MXI1: variants seen among roughly 807,000 people sequenced by gnomAD.
MXI1 encodes the protein max-interacting protein 1.
Under a neutral mutation model 36.9 loss-of-function variants are expected in MXI1, and 18 were observed. The ratio of observed to expected loss-of-function variants is 0.49; its 90% CI spans 0.34 to 0.72. MXI1 has a LOEUF of 0.72. MXI1 is among the 30% of genes least tolerant of loss of function. MXI1 has a pLI of 0.01. For missense variants in MXI1, 304 were observed against 379.1 expected, an observed-to-expected ratio of 0.80 and a Z score of 1.64; for synonymous variants, 160 against 146.7, an observed-to-expected ratio of 1.09 and a Z score of -0.65.
chr10:110,231,467 T>C (rs996472444), intron 2 of MXI1, among the ~76,000 whole-genome samples: 1 of 152,004 alleles, frequency 6.6e-6, no homozygotes, highest in Non-Finnish European at 1.5e-5. Flanking sequence ...TAAAATCTTA[T>C]TTTCAAAGAA....
intron 1 of MXI1, among the ~76,000 whole-genome samples, chr10:110,218,381 C>T (rs1011161258): frequency 2.0e-5 from 3 of 148,488 alleles, no homozygotes; most frequent in Non-Finnish European, 3.0e-5. Flanking sequence ...ACCCGGGAGG[C>T]GGTGCTTGCA....
At chr10:110,281,333 T>A (rs985507173) in intron 5 of MXI1, among the ~76,000 whole-genome samples, 8 of 152,206 alleles carry the variant, frequency 5.3e-5, no homozygotes, top group Non-Finnish European at 2.9e-5. Flanking sequence ...ATAATGCTAT[T>A]ATAATACCCC....
intron 2 of MXI1, among the ~76,000 whole-genome samples, chr10:110,243,864 C>T (rs1855761348): frequency 6.6e-6 from 1 of 152,052 alleles, no homozygotes; most frequent in Non-Finnish European, 1.5e-5. Context: ...TGAGGCCATA[C>T]AGTATTTGGA....
intron 2 of MXI1, among the ~76,000 whole-genome samples, chr10:110,243,962 G>A (rs1855765869): frequency 6.6e-6 from 1 of 152,044 alleles, no homozygotes; most frequent in African/African-American, 2.4e-5. Flanking sequence ...GGATTGTTAA[G>A]ATAGACCTGG....
intron 3 of MXI1, among the ~76,000 whole-genome samples, chr10:110,265,912 G>A (rs1356650856): frequency 2.6e-5 from 4 of 152,182 alleles, no homozygotes; most frequent in Non-Finnish European, 5.9e-5. Flanking sequence ...CACTACATCT[G>A]AGTCTCTTTT....
chr10:110,276,624 A>G (rs929345464), intron 3 of MXI1, among the ~76,000 whole-genome samples: 2 of 142,874 alleles, frequency 1.4e-5, no homozygotes, highest in African/African-American at 5.2e-5. Flanking sequence ...TTTTTTTTTT[A>G]CTTTTCCTTC....
At chr10:110,274,418 C>T (rs969976862) in intron 3 of MXI1, among the ~76,000 whole-genome samples, 1 of 152,028 alleles carries the variant, frequency 6.6e-6, no homozygotes, top group Non-Finnish European at 1.5e-5. Context: ...GTAACCCCAT[C>T]CCTCTCAGCA....
intron 1 of MXI1, among the ~76,000 whole-genome samples, chr10:110,211,448 T>C (rs1191939875): frequency 6.6e-6 from 1 of 152,206 alleles, no homozygotes; most frequent in African/African-American, 2.4e-5. Context: ...TGTCCGGAGA[T>C]GAGTGTCGGG....
Position 110,284,936 on chromosome 10 carries a change from G to T in MXI1, c.837G>T (p.Gly279=). 6.2e-7 allele frequency: 1 copy of T among 1,613,998 alleles called. No homozygotes were observed. The highest frequency in any genetic ancestry group is 8.5e-7 in the Non-Finnish European group (1 of 1,179,990). Residue 279 remains glycine (G), a synonymous_variant, in exon 6 of 6, where the codon GGG becomes GGT. Coordinates refer to ENST00000332674, the MANE Select transcript of MXI1 (RefSeq NM_130439.3). The part of the protein sequence containing the change: ...IDDHSSLPSI[G]SDEGYSSASV... ...ACCACAGCAGCCTGCCGAGTATTGG[G>T]AGTGACGAGGGTTACTCCAGTGCCA...
chr10:110,277,211 T>C (rs539627270), intron 3 of MXI1, among the ~76,000 whole-genome samples: 1 of 152,382 alleles, frequency 6.6e-6, no homozygotes, highest in African/African-American at 2.4e-5. Flanking sequence ...TGGAGTTAAT[T>C]TGAACCAAAT....
At chr10:110,244,203 C>G (rs929622483) in intron 2 of MXI1, among the ~76,000 whole-genome samples, 9 of 152,012 alleles carry the variant, frequency 5.9e-5, no homozygotes, top group African/African-American at 1.9e-4. Flanking sequence ...AAACAATAAC[C>G]ATTGCTAACA....
chr10:110,210,370 G>C (rs1183656961), intron 1 of MXI1: 1 of 833,224 alleles, frequency 1.2e-6, no homozygotes, highest in Non-Finnish European at 1.4e-6. Flanking sequence ...GGCTCCCGGC[G>C]GGAGTATTTT....
Position 110,228,258 on chromosome 10 carries a change from C to T in MXI1, c.344C>T (p.Pro115Leu), listed in dbSNP as rs760636364. 9.9e-6 allele frequency: 16 copies of T among 1,614,058 alleles called. No homozygotes were observed. In the East Asian group the frequency reaches 3.1e-4, roughly 31 times the overall value. ...CCCCGACTGCAGCATTCAAAGCCCCCACGGAGGTTGAGCCGGGCACAGAAA... is the reference window on the plus strand; with the variant it reads ...CCCCGACTGCAGCATTCAAAGCCCCTACGGAGGTTGAGCCGGGCACAGAAA... ...PSPRLQHSKP[P>L]RRLSRAQKHS... is the part of the protein sequence containing the mutation. Residue 115 changes from proline to leucine, a missense_variant, in exon 2 of 6, where the codon CCA becomes CTA. Pro to Leu is a moderately conservative substitution (Grantham distance 98). Transcript: ENST00000332674.
intron 1 of MXI1, chr10:110,227,345 T>C: frequency 1.0e-6 from 1 of 976,286 alleles, no homozygotes; most frequent in Non-Finnish European, 1.2e-6. Flanking sequence ...GAGGTGTGTG[T>C]GCTGAGATCG....
At chr10:110,224,332 C>A (rs146908367) in intron 1 of MXI1, among the ~76,000 whole-genome samples, 11 of 152,336 alleles carry the variant, frequency 7.2e-5, no homozygotes, top group Non-Finnish European at 1.3e-4. Context: ...CTCCCTAGAT[C>A]CCTTGTTCCC....
chr10:110,260,628 T>C (rs1485801324), intron 3 of MXI1, among the ~76,000 whole-genome samples: 1 of 151,980 alleles, frequency 6.6e-6, no homozygotes, highest in Non-Finnish European at 1.5e-5. Flanking sequence ...TATAATAAGG[T>C]TTTAATTTAT....
At chr10:110,260,801 T>C (rs1856486739) in intron 3 of MXI1, among the ~76,000 whole-genome samples, 1 of 152,044 alleles carries the variant, frequency 6.6e-6, no homozygotes, top group African/African-American at 2.4e-5. Context: ...ATTTAAATGC[T>C]CAGGAACATT....
intron 3 of MXI1, among the ~76,000 whole-genome samples, chr10:110,260,414 CAG>C (rs1491214522): frequency 4.5e-5 from 5 of 110,848 alleles, no homozygotes; most frequent in African/African-American, 3.9e-5. Flanking sequence ...TTCCTTGATA[CAG>C]GTGTGTGTGT....
intron 3 of MXI1, among the ~76,000 whole-genome samples, chr10:110,247,597 C>T (rs940442807): frequency 6.6e-6 from 1 of 152,156 alleles, no homozygotes; most frequent in Non-Finnish European, 1.5e-5. Context: ...TTTCAGCTTT[C>T]TACATATGGC....
Sources: allele counts gnomAD v4.1 joint callset (sites outside exome capture counted in the v4.1 genomes callset), GRCh38; gene constraint gnomAD v4.1.1; transcripts MANE v1.5; gene names NCBI Gene and HGNC (gene_info 2026-07-23, HGNC 2026-07-21).